Variants in SYMPK observed in about 807,000 individuals in gnomAD.
SYMPK encodes symplekin.
Under a neutral mutation model 136.4 loss-of-function variants are expected in SYMPK, and 49 were observed. The ratio of observed to expected loss-of-function variants is 0.36; its 90% CI spans 0.29 to 0.46. The LOEUF (loss-of-function observed/expected upper bound fraction) is 0.46. SYMPK is among the 20% of genes least tolerant of loss of function. The pLI, the probability that SYMPK is intolerant of heterozygous loss-of-function variation, is 1.00. For missense variants in SYMPK, 1,365 were observed against 1,690.0 expected (o/e 0.81, Z 3.37); for synonymous variants, 766 against 713.0 (o/e 1.07, Z -1.19).
At chr19:45,859,107 T>C (rs1971900660) in intron 1 of SYMPK, among the ~76,000 whole-genome samples, 1 of 152,096 alleles carries the variant, frequency 6.6e-6, no homozygotes, top group Non-Finnish European at 1.5e-5. Flanking sequence ...ACTTTTTATA[T>C]TCCCAGCACG....
chr19:45,835,355 C>A, intron 10 of SYMPK, 127 bp from the exon 11 acceptor site: 3 of 860,290 alleles, frequency 3.5e-6, no homozygotes, highest in Non-Finnish European at 3.4e-6. Flanking sequence ...TCCTGGGGCC[C>A]AGCCTCTTCT....
rs773419355 is a variant in SYMPK at position 45,827,490 on chromosome 19, G to C, written c.2181+20C>G. 1.7e-5 allele frequency: 27 copies of C among 1,592,170 alleles called. No homozygotes were observed. Among genetic ancestry groups the C allele is most frequent in the Non-Finnish European group, 2.2e-5 (26 of 1,160,444 alleles). ...CAAGCTGCAGGCTGAGGGCAGCCAG[G>C]AAGTGGAGGAGGGGATCACCTTGTC... On this transcript the variant is annotated intron_variant, in intron 16 of 26. Transcript: ENST00000245934.
chr19:45,844,171 A>C lies in SYMPK; in HGVS notation c.706T>G (p.Leu236Val), dbSNP rs1219123698. ...ACCATGAACTTAAGCAGCTGCTCCA[A>C]GGCTGCCTTGCCCTCTTCCCATAGC... ...NVLWEEGKAA[L>V]EQLLKFMVHP... Residue 236 changes from leucine to valine, a missense_variant, in exon 8 of 27, where the codon TTG becomes GTG. Leu to Val is a conservative substitution (Grantham distance 32). Transcript: ENST00000245934. The C allele has an allele frequency of 6.2e-7, 1 of 1,609,820 alleles. No homozygotes were observed. Among genetic ancestry groups the C allele is most frequent in the South Asian group, 1.1e-5 (1 of 90,078 alleles).
At chr19:45,828,882 G>A (rs1971106018) in intron 14 of SYMPK, 88 bp downstream of exon 14, 2 of 1,319,110 alleles carry the variant, frequency 1.5e-6, no homozygotes, top group Non-Finnish European at 2.1e-6. Flanking sequence ...GGGTGACGAA[G>A]AGGGAGGTGG....
At chr19:45,823,517 G>C (rs763035755) in intron 19 of SYMPK, 45 bp from the exon 20 acceptor site, 21 of 1,581,504 alleles carry the variant, frequency 1.3e-5, no homozygotes, top group Non-Finnish European at 1.4e-5. Flanking sequence ...GCGGAGGGGA[G>C]CGTGGGAAAG....
intron 10 of SYMPK, among the ~76,000 whole-genome samples, chr19:45,836,841 G>A (rs1465828176): frequency 2.6e-5 from 4 of 151,958 alleles, no homozygotes; most frequent in African/African-American, 9.7e-5. Flanking sequence ...ACAGGGTCTC[G>A]CTATGTTGCC....
In SYMPK at chr19:45,860,942, G is replaced by A. The variant is rs969223817; in HGVS notation, c.-13+2116C>T. Reference sequence around the variant, plus strand: ...GACCAAAGGCATATAGCTTGTAAGAGGCAGAGTCAGCAGCATGGCTGCATA... The same window carrying A: ...GACCAAAGGCATATAGCTTGTAAGAAGCAGAGTCAGCAGCATGGCTGCATA... On this transcript the variant is annotated intron_variant, in intron 1 of 26. Coordinates refer to ENST00000245934, the MANE Select transcript of SYMPK (RefSeq NM_004819.3). Among the ~76,000 whole-genome samples the A allele has an allele frequency of 2.0e-5, 3 of 152,348 alleles. 1 individual carries two copies. The highest frequency in any genetic ancestry group is 1.3e-4 in the Admixed American group (2 of 15,296).
Position 45,842,661 on chromosome 19 carries a change from C to A in SYMPK, c.848-172G>T, listed in dbSNP as rs577238243. On this transcript the variant is annotated intron_variant, in intron 8 of 26. Coordinates refer to ENST00000245934, the MANE Select transcript of SYMPK (RefSeq NM_004819.3). The stretch of plus-strand genomic sequence containing the variant: ...CGCCTTACAAGCTGATGCTTCAAAC[C>A]CTGGGGGTCTCCATCAGTATCAGTC... 3.8e-6 allele frequency: 3 copies of A among 796,334 alleles called. No homozygotes were observed. In the South Asian group the frequency reaches 5.6e-5, roughly 15 times the overall value. The allele number at this position is 796,334 out of a possible 1,614,324, so 49.3% of individuals were successfully genotyped here.
In SYMPK at chr19:45,815,938, G is replaced by A. The variant is rs745909702; in HGVS notation, c.3600C>T (p.Thr1200=). The change falls in exon 26 of 27, where the codon ACC becomes ACT. Residue 1200 remains threonine, a synonymous_variant. Coordinates refer to ENST00000245934, the MANE Select transcript of SYMPK (RefSeq NM_004819.3). ...DFREEGPECE[T]PGIFISMDDD... ...CATCCATGCTGATGAAGATGCCCGGGGTCTCGCACTCAGGCCCCTCCTCCC... is the reference window on the plus strand; with the variant it reads ...CATCCATGCTGATGAAGATGCCCGGAGTCTCGCACTCAGGCCCCTCCTCCC... The A allele has an allele frequency of 1.6e-5, 26 of 1,611,686 alleles. No homozygotes were observed. The highest frequency in any genetic ancestry group is 2.0e-5 in the Non-Finnish European group (24 of 1,179,696).
intron 14 of SYMPK, 125 bp from the exon 15 acceptor site, chr19:45,828,043 G>T: frequency 2.4e-6 from 2 of 829,764 alleles, no homozygotes; most frequent in East Asian, 2.5e-5. Flanking sequence ...TCAAGCCCCT[G>T]CTTATAAAGC....
chr19:45,837,935 G>A (rs1443762801), intron 10 of SYMPK, among the ~76,000 whole-genome samples: 2 of 152,136 alleles, frequency 1.3e-5, no homozygotes, highest in African/African-American at 4.8e-5. Context: ...CTCCTGGGAC[G>A]TCCAAAAGGA....
At chr19:45,824,983 C>A (rs921479075) in intron 18 of SYMPK, among the ~76,000 whole-genome samples, 188 bp downstream of exon 18, 1 of 152,214 alleles carries the variant, frequency 6.6e-6, no homozygotes, top group Non-Finnish European at 1.5e-5. Context: ...TCCTAACTGC[C>A]GGGCCACTTG....
chr19:45,824,921 C>T (rs4803861), intron 18 of SYMPK, among the ~76,000 whole-genome samples: 42,227 of 152,142 alleles, frequency 0.28, 6,386 homozygotes, highest in Admixed American at 0.4. Context: ...GGCCCAAGGT[C>T]GCAGTGAGAA....
In SYMPK at chr19:45,830,115, A is replaced by G; in HGVS notation, c.1688T>C (p.Leu563Pro). Residue 563 changes from leucine (L) to proline (P), a missense_variant, in exon 13 of 27, where the codon CTG (leucine) becomes CCG (proline). This residue lies in a region of SYMPK where 303 missense variants were observed against 326.6 expected (regional missense o/e 0.93). Coordinates refer to ENST00000245934, the MANE Select transcript of SYMPK (RefSeq NM_004819.3). ...CCGCAGGATCCGCTTCACAGCGCCC[A>G]GCTTCATGGCTTCCACCTGGGCATC... is the stretch of plus-strand genomic sequence containing the variant. ...LTDAQVEAMK[L>P]GAVKRILRAE... The G allele has an allele frequency of 6.3e-7, 1 of 1,591,468 alleles. No homozygotes were observed. The highest frequency in any genetic ancestry group is 1.1e-5 in the South Asian group (1 of 88,096).
chr19:45,845,174 G>A (rs1205944106), intron 7 of SYMPK, among the ~76,000 whole-genome samples: 1 of 150,496 alleles, frequency 6.6e-6, no homozygotes, highest in Non-Finnish European at 1.5e-5. Context: ...AAGCAGTGGC[G>A]TGATCTCGGC....
Position 45,835,239 on chromosome 19 carries a change from C to T in SYMPK, c.1243-11G>A. ...CATGCTGATGAGGACCTGTGGGATG[C>T]CCAGGAAGAGAGCCTCTCCTTAATC... On this transcript the variant is annotated splice_polypyrimidine_tract_variant and intron_variant, in intron 10 of 26. Coordinates refer to ENST00000245934, the MANE Select transcript of SYMPK (RefSeq NM_004819.3). 6.4e-7 allele frequency: 1 copy of T among 1,561,492 alleles called. No individual in the cohort carries two copies. The highest frequency in any genetic ancestry group is 8.7e-7 in the Non-Finnish European group (1 of 1,153,456).
chr19:45,851,098 A>C (rs1228229631), intron 5 of SYMPK, among the ~76,000 whole-genome samples: 1 of 152,142 alleles, frequency 6.6e-6, no homozygotes, highest in Non-Finnish European at 1.5e-5. Context: ...AAGTAAGCTG[A>C]TGAGCCAGCT....
In SYMPK at chr19:45,838,550, C is replaced by G; in HGVS notation, c.1153G>C (p.Ala385Pro). 1.2e-6 allele frequency: 2 copies of G among 1,614,164 alleles called. No homozygotes were observed. Among genetic ancestry groups the G allele is most frequent in the Non-Finnish European group, 1.7e-6 (2 of 1,180,024 alleles). Residue 385 changes from alanine (A) to proline (P), a missense_variant, in exon 10 of 27, where the codon GCC becomes CCC. Ala to Pro is a conservative substitution (Grantham distance 27). Around this residue, in one of 11 missense-constraint regions of SYMPK, gnomAD observed 111 missense variants for 141.2 expected, o/e 0.79. Coordinates refer to ENST00000245934, the MANE Select transcript of SYMPK (RefSeq NM_004819.3). ...GACTGGCCGGAGATCTGCGCTGAGG[C>G]CTTCGAGGTCCCCGACGGGCCTGGC... ...LEPGPSGTSKASAQISGQSDT... is the reference protein window; with the variant it reads ...LEPGPSGTSKPSAQISGQSDT...
intron 22 of SYMPK, chr19:45,818,770 G>A (rs1264969804): frequency 6.6e-6 from 1 of 152,516 alleles, no homozygotes; most frequent in African/African-American, 2.4e-5. Context: ...GACCCAGAGG[G>A]TTGGCACAGC....
Sources: allele counts gnomAD v4.1 joint callset (sites outside exome capture counted in the v4.1 genomes callset), GRCh38; gene constraint gnomAD v4.1.1; regional missense constraint gnomAD v4.1.1; transcripts MANE v1.5; gene names NCBI Gene and HGNC (gene_info 2026-07-23, HGNC 2026-07-21).